NXPE2: variants seen among roughly 807,000 people sequenced by gnomAD.
The protein encoded by NXPE2 is neurexophilin and PC-esterase domain family member 2, also known as NXPE family member 2.
A neutral mutation model predicts 34.4 loss-of-function variants in NXPE2; 34 were observed. That is an observed-to-expected ratio of 0.99 (90% CI 0.75 to 1.31). The LOEUF is 1.31. NXPE2 is among the 40% of genes most tolerant of loss of function. The probability of loss-of-function intolerance (pLI) is 0.00; values close to 1 mark genes in which losing one functional copy is unlikely to be tolerated. For missense variants in NXPE2, 649 were observed against 672.5 expected (o/e 0.97, Z 0.39); for synonymous variants, 235 against 231.3 (o/e 1.02, Z -0.15).
the NXPE2 span, among the ~76,000 whole-genome samples, chr11:114,794,015 T>C: frequency 1.3e-5 from 2 of 152,194 alleles, no homozygotes; most frequent in Non-Finnish European, 2.9e-5. Context: ...CATTTCCTGT[T>C]GGGATTATTG....
chr11:114,537,809 A>G, the NXPE2 span, among the ~76,000 whole-genome samples: 15 of 151,972 alleles, frequency 9.9e-5, no homozygotes, highest in Middle Eastern at 3.2e-3. Flanking sequence ...AGAACATTCC[A>G]TGCTCATGGG....
chr11:114,640,622 G>T, the NXPE2 span, among the ~76,000 whole-genome samples: 1 of 151,710 alleles, frequency 6.6e-6, no homozygotes, highest in African/African-American at 2.4e-5. Flanking sequence ...ACATCTGTTG[G>T]TTTTTTACTT....
the NXPE2 span, among the ~76,000 whole-genome samples, chr11:114,469,642 C>T: frequency 6.6e-6 from 1 of 151,532 alleles, no homozygotes; most frequent in African/African-American, 2.4e-5. Flanking sequence ...TGCACCCCCC[C>T]CACCACACCC....
chr11:114,527,915 A>AG, the NXPE2 span: 12 of 1,531,586 alleles, frequency 7.8e-6, no homozygotes, highest in Non-Finnish European at 1.1e-5. Context: ...CAAAAAAAAA[A>AG]TAGAACAATA....
chr11:114,608,742 T>C, the NXPE2 span, among the ~76,000 whole-genome samples: 8 of 151,814 alleles, frequency 5.3e-5, no homozygotes, highest in Admixed American at 3.9e-4. Context: ...TAACCACTGT[T>C]ACCCAATGGA....
chr11:114,488,451 G>T, the NXPE2 span, among the ~76,000 whole-genome samples: 1 of 151,882 alleles, frequency 6.6e-6, no homozygotes, highest in Non-Finnish European at 1.5e-5. Context: ...AACTTTCCTA[G>T]TTGGAAGTAA....
chr11:114,623,198 T>C, the NXPE2 span, among the ~76,000 whole-genome samples: 9 of 150,382 alleles, frequency 6.0e-5, no homozygotes, highest in Non-Finnish European at 8.9e-5. Flanking sequence ...AGGGTAACCA[T>C]TGTTACCCAG....
the NXPE2 span, among the ~76,000 whole-genome samples, chr11:114,758,165 C>A: frequency 2.5e-5 from 3 of 121,312 alleles, no homozygotes; most frequent in Non-Finnish European, 5.3e-5. Flanking sequence ...ACTATGACTT[C>A]TTCTCCGTCC....
chr11:114,693,495 A>G (rs1951191431), intron 2 of NXPE2, among the ~76,000 whole-genome samples: 1 of 152,206 alleles, frequency 6.6e-6, no homozygotes, highest in Non-Finnish European at 1.5e-5. Flanking sequence ...CAGACTGTCC[A>G]CTGGATTTCA....
chr11:114,564,767 G>T, the NXPE2 span, among the ~76,000 whole-genome samples: 9 of 152,222 alleles, frequency 5.9e-5, no homozygotes, highest in African/African-American at 1.9e-4. Context: ...AAGAATATAT[G>T]TTTCATATGA....
the NXPE2 span, among the ~76,000 whole-genome samples, chr11:114,470,234 T>C: frequency 6.6e-6 from 1 of 152,196 alleles, no homozygotes; most frequent in Non-Finnish European, 1.5e-5. Flanking sequence ...CTGGGTTATA[T>C]GGTGAGTATG....
the NXPE2 span, among the ~76,000 whole-genome samples, chr11:114,780,205 C>T: frequency 6.6e-6 from 1 of 152,224 alleles, no homozygotes; most frequent in Non-Finnish European, 1.5e-5. Context: ...GGCCGAGTCT[C>T]TTCAGGAGGC....
chr11:114,779,315 G>T, the NXPE2 span, among the ~76,000 whole-genome samples: 1 of 125,184 alleles, frequency 8.0e-6, no homozygotes, highest in Non-Finnish European at 1.7e-5. Context: ...AGCCTGGAGT[G>T]GGGTGTGGGG....
the NXPE2 span, among the ~76,000 whole-genome samples, chr11:114,469,576 G>A: frequency 1.3e-5 from 2 of 151,360 alleles, no homozygotes; most frequent in Non-Finnish European, 2.9e-5. Context: ...TGCAACCTCC[G>A]CCTCCCGGGT....
the NXPE2 span, among the ~76,000 whole-genome samples, chr11:114,738,914 A>C: frequency 6.6e-6 from 1 of 152,150 alleles, no homozygotes; most frequent in African/African-American, 2.4e-5. Flanking sequence ...GTCTTCATTC[A>C]AGTTGTGCTT....
At chr11:114,752,305 G>T in the NXPE2 span, among the ~76,000 whole-genome samples, 1 of 152,186 alleles carries the variant, frequency 6.6e-6, no homozygotes, top group South Asian at 2.1e-4. Context: ...TGAGTTAGAG[G>T]CAGTGCACTG....
the NXPE2 span, among the ~76,000 whole-genome samples, chr11:114,593,737 G>C: frequency 1.1e-4 from 16 of 152,084 alleles, no homozygotes; most frequent in African/African-American, 3.1e-4. Context: ...GTTTATTGCA[G>C]CACTGATAAC....
the NXPE2 span, among the ~76,000 whole-genome samples, chr11:114,590,263 G>C: frequency 6.6e-6 from 1 of 152,200 alleles, no homozygotes; most frequent in Non-Finnish European, 1.5e-5. Flanking sequence ...TTAGCTGACA[G>C]AGCATATAAG....
chr11:114,708,327 G>T (rs1475861602), downstream of NXPE2, among the ~76,000 whole-genome samples: 2 of 152,054 alleles, frequency 1.3e-5, no homozygotes, highest in African/African-American at 4.8e-5. Context: ...TTGATTCTTG[G>T]ATATCCTAAA....
Sources: gnomAD v4.1 joint callset for allele counts (sites outside exome capture counted in the v4.1 genomes callset) on GRCh38, gnomAD v4.1.1 for gene constraint, MANE v1.5 for transcripts, NCBI Gene and HGNC (gene_info 2026-07-23, HGNC 2026-07-21) for gene names.